The following COL23A1 variants were observed in gnomAD, a reference collection of about 807,000 sequenced individuals.
COL23A1 encodes collagen type XXIII alpha 1 chain.
A neutral mutation model predicts 99.3 loss-of-function variants in COL23A1; 97 were observed. The ratio of observed to expected loss-of-function variants is 0.98; its 90% CI spans 0.83 to 1.16. The LOEUF is 1.16. Ranked by LOEUF, COL23A1 falls within the 50% of genes most tolerant of loss-of-function variation. The pLI, the probability that COL23A1 is intolerant of heterozygous loss-of-function variation, is 0.00. For missense variants in COL23A1, 762 were observed against 757.4 expected, an observed-to-expected ratio of 1.01 and a Z score of -0.07; for synonymous variants, 320 against 308.2, an observed-to-expected ratio of 1.04 and a Z score of -0.40.
chr5:178,549,359 A>C (rs1331205428), intron 2 of COL23A1, among the ~76,000 whole-genome samples: 1 of 152,234 alleles, frequency 6.6e-6, no homozygotes, highest in Non-Finnish European at 1.5e-5. Flanking sequence ...CACAAATAAC[A>C]AGTAGTAGGA....
At chr5:178,358,775 ATGTG>A (rs750956174) in intron 2 of COL23A1, among the ~76,000 whole-genome samples, 1 of 120,466 alleles carries the variant, frequency 8.3e-6, no homozygotes, top group African/African-American at 2.8e-5. Flanking sequence ...ATGTGTGTGT[ATGTG>A]TATGTGTGTA....
At chr5:178,350,503 G>A (rs1407371170) in intron 2 of COL23A1, among the ~76,000 whole-genome samples, 1 of 152,176 alleles carries the variant, frequency 6.6e-6, no homozygotes, top group Non-Finnish European at 1.5e-5. Flanking sequence ...CCAGCGCGAT[G>A]TCAGGACTCT....
intron 17 of COL23A1, 89 bp downstream of exon 17, chr5:178,252,455 G>A (rs1765086266): frequency 7.0e-6 from 9 of 1,280,670 alleles, no homozygotes; most frequent in Non-Finnish European, 9.7e-6. Context: ...CCGGAGGGAA[G>A]TGGAACAGGG....
At chr5:178,374,503 C>T (rs1332572044) in intron 2 of COL23A1, among the ~76,000 whole-genome samples, 1 of 152,224 alleles carries the variant, frequency 6.6e-6, no homozygotes, top group Admixed American at 6.5e-5. Context: ...GGGAACCAGA[C>T]TGCCTGGGTT....
chr5:178,580,622 G>A (rs1581677842), intron 1 of COL23A1, among the ~76,000 whole-genome samples: 1 of 152,232 alleles, frequency 6.6e-6, no homozygotes, highest in African/African-American at 2.4e-5. Context: ...GAGGTGGTGT[G>A]TGGCCTCTGG....
rs543381667 is a variant in COL23A1, at chr5:178,405,829, G to A, written c.362-98910C>T. Among the ~76,000 whole-genome samples the A allele has an allele frequency of 7.9e-5, 12 of 152,356 alleles. No individual in the cohort carries two copies. In the South Asian group the frequency reaches 1.9e-3, roughly 24 times the overall value. On this transcript the variant is annotated intron_variant, in intron 2 of 28. Coordinates refer to ENST00000390654, the MANE Select transcript of COL23A1 (RefSeq NM_173465.4). Reference sequence around the variant, plus strand: ...TTAATATTCAAAAACTAGGCTGGGCGCAGTGGCTCATGCCTGTAATCCCAG... The same window carrying A: ...TTAATATTCAAAAACTAGGCTGGGCACAGTGGCTCATGCCTGTAATCCCAG...
rs1487132460 is a variant in COL23A1, at chr5:178,384,121, G to A, written c.362-77202C>T. Among the ~76,000 whole-genome samples the A allele has an allele frequency of 9.2e-5, 14 of 152,298 alleles. No individual in the cohort carries two copies. The highest frequency in any genetic ancestry group is 2.4e-5 in the African/African-American group (1 of 41,568). ...AAAGACCCCTCTTCTCTAGAAAGGG[G>A]TGATGGTAAAATAAGGCTGGCCATC... On this transcript the variant is annotated intron_variant, in intron 2 of 28. Coordinates refer to ENST00000390654, the MANE Select transcript of COL23A1 (RefSeq NM_173465.4). The surrounding 1 kb of genome is among the most constrained non-coding windows in gnomAD (Gnocchi z 5.5).
At chr5:178,330,695 T>G (rs1342984196) in intron 2 of COL23A1, among the ~76,000 whole-genome samples, 6 of 150,534 alleles carry the variant, frequency 4.0e-5, no homozygotes, top group East Asian at 3.9e-4. Flanking sequence ...CACCTTGGCC[T>G]GTGTGGCCCT....
At chr5:178,283,648 TAAGAC>T (rs1202123298) in intron 5 of COL23A1, among the ~76,000 whole-genome samples, 11 of 152,234 alleles carry the variant, frequency 7.2e-5, no homozygotes, top group Admixed American at 5.9e-4. Context: ...TGTTAAGAGT[TAAGAC>T]AATCAAACTA....
At chr5:178,503,649 C>T (rs190495226) in intron 2 of COL23A1, among the ~76,000 whole-genome samples, 234 of 151,528 alleles carry the variant, frequency 1.5e-3, no homozygotes, top group African/African-American at 5.4e-3. Flanking sequence ...CCTGTGTGTG[C>T]GAAAAGGGAG....
At chr5:178,432,951 A>G (rs1766344907) in intron 2 of COL23A1, among the ~76,000 whole-genome samples, 1 of 151,664 alleles carries the variant, frequency 6.6e-6, no homozygotes, top group African/African-American at 2.4e-5. Context: ...AATCCACCAC[A>G]CCCCTTACTA....
chr5:178,363,942 T>C (rs1468928872), intron 2 of COL23A1, among the ~76,000 whole-genome samples: 1 of 152,210 alleles, frequency 6.6e-6, no homozygotes, highest in East Asian at 1.9e-4. Flanking sequence ...GCACCTGCTA[T>C]GTGGGAGAAC....
At chr5:178,552,726 T>A (rs867580829) in intron 2 of COL23A1, among the ~76,000 whole-genome samples, 78 of 147,138 alleles carry the variant, frequency 5.3e-4, no homozygotes, top group East Asian at 2.0e-3. Flanking sequence ...AAAAAAAAAA[T>A]TTTTTTCAGA....
rs971732985 is a variant in COL23A1 at position 178,391,813 on chromosome 5, G to T, written c.362-84894C>A. Among the ~76,000 whole-genome samples, 13 of 152,232 alleles carry T rather than the reference G, an allele frequency of 8.5e-5. No homozygotes were observed. The East Asian group carries it at 2.5e-3, about 29-fold the overall frequency. ...CAACATTATTAAAAATGGCCCAAAA[G>T]TCCAAGTATCCAAATGTCCACCAGC... On this transcript the variant is annotated intron_variant, in intron 2 of 28. Transcript: ENST00000390654.
intron 1 of COL23A1, chr5:178,562,743 G>GGGGGGGGGGGGGGGGGGGGGGGGGGGGT (rs1480993197): frequency 7.0e-6 from 1 of 143,282 alleles, no homozygotes; most frequent in African/African-American, 2.8e-5. Context: ...TGGTGGGGGG[G>GGGGGGGGGGGGGGGGGGGGGGGGGGGGT]GTGCGGGCTT....
intron 2 of COL23A1, among the ~76,000 whole-genome samples, chr5:178,380,359 G>A (rs1014269823): frequency 6.6e-6 from 1 of 151,624 alleles, no homozygotes; most frequent in Non-Finnish European, 1.5e-5. Flanking sequence ...GTGCAGCCAC[G>A]TAAAACTTAT....
chr5:178,358,248 G>GTATATGTGTGTATGTATA (rs796141502), intron 2 of COL23A1, among the ~76,000 whole-genome samples: 4 of 125,616 alleles, frequency 3.2e-5, no homozygotes, highest in African/African-American at 8.6e-5. Context: ...GTATGTGTAT[G>GTATATGTGTGTATGTATA]TGTGTGTATG....
At chr5:178,250,488 C>A (rs1254492588) in intron 17 of COL23A1, among the ~76,000 whole-genome samples, 1 of 152,182 alleles carries the variant, frequency 6.6e-6, no homozygotes, top group African/African-American at 2.4e-5. Flanking sequence ...TGCAAGCTGT[C>A]CACCTGCCAG....
intron 2 of COL23A1, among the ~76,000 whole-genome samples, chr5:178,408,141 T>C (rs1764859032): frequency 6.6e-6 from 1 of 152,194 alleles, no homozygotes; most frequent in South Asian, 2.1e-4. Context: ...GGATTTCTTC[T>C]CAGAAACCAC....
Sources: gnomAD v4.1 joint callset for allele counts (sites outside exome capture counted in the v4.1 genomes callset) on GRCh38, gnomAD v4.1.1 for gene constraint, Gnocchi (gnomAD v3.1) non-coding constraint, MANE v1.5 for transcripts, NCBI Gene and HGNC (gene_info 2026-07-23, HGNC 2026-07-21) for gene names.